MALRD1: variants seen among roughly 807,000 people sequenced by gnomAD.
MALRD1 encodes MAM and LDL-receptor class A domain-containing protein 1.
MALRD1 carries 247 observed loss-of-function variants against 242.1 expected under a neutral mutation model. The observed-to-expected ratio is 1.02, with a 90% CI of 0.92 to 1.13. The LOEUF is 1.13. Among genes scored for constraint, MALRD1 ranks in the 50% most tolerant of loss-of-function variants. MALRD1 has a pLI of 0.00. For synonymous variants in MALRD1, 995 were observed against 866.6 expected (o/e 1.15, Z -2.60); for missense variants, 2,989 against 2,533.1 (o/e 1.18, Z -3.86).
At chr10:19,623,857 G>A (rs1453569323) in intron 36 of MALRD1, among the ~76,000 whole-genome samples, 1 of 151,768 alleles carries the variant, frequency 6.6e-6, no homozygotes, top group East Asian at 1.9e-4. Context: ...CAGACACTCA[G>A]AAATAATATT....
intron 36 of MALRD1, among the ~76,000 whole-genome samples, chr10:19,675,969 G>T (rs11818772): frequency 0.029 from 4,379 of 152,250 alleles, 201 homozygotes; most frequent in African/African-American, 0.09. Flanking sequence ...ATGATAATTG[G>T]TCTGTATCCT....
intron 19 of MALRD1, among the ~76,000 whole-genome samples, chr10:19,274,910 C>T (rs1840434848): frequency 6.6e-6 from 1 of 152,038 alleles, no homozygotes; most frequent in Non-Finnish European, 1.5e-5. Flanking sequence ...TGTTGTACAA[C>T]CTTGTGAATA....
intron 36 of MALRD1, chr10:19,633,836 C>CTT (rs199830595): frequency 0.034 from 4,814 of 140,454 alleles, 157 homozygotes; most frequent in Middle Eastern, 0.065. Context: ...TTTTTCTTTT[C>CTT]TTTCTTTTTT....
intron 19 of MALRD1, among the ~76,000 whole-genome samples, chr10:19,279,582 C>T (rs572691783): frequency 6.6e-6 from 1 of 152,260 alleles, no homozygotes; most frequent in South Asian, 2.1e-4. Flanking sequence ...TGGTTTGACT[C>T]TTTCCTGAAA....
At chr10:19,051,443 C>T (rs890298898) in intron 1 of MALRD1, 2 of 164,340 alleles carry the variant, frequency 1.2e-5, no homozygotes, top group Non-Finnish European at 1.4e-5. Flanking sequence ...AGTTCTTGGA[C>T]AGGGATGCAA....
chr10:19,241,507 T>C (rs758098277), intron 18 of MALRD1, among the ~76,000 whole-genome samples: 2 of 152,248 alleles, frequency 1.3e-5, no homozygotes, highest in Middle Eastern at 3.4e-3. Flanking sequence ...CTTTACACTT[T>C]GTTTTATTTA....
rs1369966486 is a variant in MALRD1 at position 19,567,646 on chromosome 10, G to A, written c.5623G>A (p.Glu1875Lys). The A allele has an allele frequency of 1.2e-5, 19 of 1,550,602 alleles. No homozygotes were observed. Among genetic ancestry groups the A allele is most frequent in the Non-Finnish European group, 1.7e-5 (19 of 1,146,954 alleles). Reference protein sequence around the residue: ...VAFEADLDGNEDIFIALDDIS... With the variant: ...VAFEADLDGNKDIFIALDDIS... ...ATTTGAAGCTGATTTGGATGGAAAT[G>A]AGGACATCTTTATTGCTCTTGATGA... Residue 1875 changes from glutamate (E) to lysine (K), a missense_variant, in exon 33 of 40, where the codon GAG becomes AAG. Coordinates refer to ENST00000454679, the MANE Select transcript of MALRD1 (RefSeq NM_001142308.3).
chr10:19,212,466 G>T (rs4748563), intron 18 of MALRD1, among the ~76,000 whole-genome samples: 37 of 151,658 alleles, frequency 2.4e-4, no homozygotes, highest in African/African-American at 7.0e-4. Flanking sequence ...TAATTAATTC[G>T]GATAAAGCAA....
rs555807815 is a variant in MALRD1, at chr10:19,238,203, TTA to T, written c.2992-19473_2992-19472del. 4.3e-3 allele frequency among the ~76,000 whole-genome samples: 271 copies of T among 63,460 alleles called. 12 individuals are homozygous for T. Among genetic ancestry groups the T allele is most frequent in the African/African-American group, 0.015 (226 of 14,844 alleles). 41.6% of individuals were successfully genotyped at this position (63,460 alleles called of 152,430 possible). A position where few individuals can be genotyped will look rare whatever the true frequency, so the allele number is the denominator to read the frequency against. Reference sequence around the variant, plus strand: ...TAATATGTAATATACATAATATATATTATATATATGTAATATACATAATATAT... The same window carrying T: ...TAATATGTAATATACATAATATATATTATATATGTAATATACATAATATAT... On this transcript the variant is annotated intron_variant, in intron 18 of 39. Transcript: ENST00000454679.
chr10:19,639,316 A>C (rs1840281106), intron 36 of MALRD1, among the ~76,000 whole-genome samples: 1 of 152,196 alleles, frequency 6.6e-6, no homozygotes, highest in South Asian at 2.1e-4. Context: ...AGTCTTCTCT[A>C]AGGGATCTTG....
intron 29 of MALRD1, among the ~76,000 whole-genome samples, chr10:19,464,385 T>C (rs1589120301): frequency 2.0e-5 from 3 of 152,338 alleles, no homozygotes; most frequent in African/African-American, 7.2e-5. Context: ...TTGATTTTTG[T>C]ATAAGGTGAG....
chr10:19,205,102 T>C lies in MALRD1; in HGVS notation c.2415T>C (p.Ala805=), dbSNP rs527513289. 1.1e-5 allele frequency: 17 copies of C among 1,550,736 alleles called. No homozygotes were observed. The highest frequency in any genetic ancestry group is 2.4e-5 in the East Asian group (1 of 40,900). The part of the protein sequence containing the change: ...VSLGIYDGVS[A]IDDIRFENCT... ...TGGGCATTTATGATGGGGTCTCAGC[T>C]ATTGATGACATCCGATTTGAAAATT... The change falls in exon 17 of 40, where the codon GCT becomes GCC. Residue 805 remains alanine, a synonymous_variant. Coordinates refer to ENST00000454679, the MANE Select transcript of MALRD1 (RefSeq NM_001142308.3).
intron 24 of MALRD1, among the ~76,000 whole-genome samples, chr10:19,343,929 A>G (rs1843994311): frequency 6.6e-6 from 1 of 152,102 alleles, no homozygotes; most frequent in African/African-American, 2.4e-5. Flanking sequence ...GTAATGTTGA[A>G]TATTATTTCC....
At chr10:19,337,922 C>T (rs375043451) in intron 24 of MALRD1, among the ~76,000 whole-genome samples, 5 of 151,782 alleles carry the variant, frequency 3.3e-5, no homozygotes, top group Non-Finnish European at 7.4e-5. Context: ...ATTAGCTGGG[C>T]GTGGTGACAC....
chr10:19,373,590 G>GA (rs1845481124), intron 26 of MALRD1, among the ~76,000 whole-genome samples: 1 of 151,856 alleles, frequency 6.6e-6, no homozygotes, highest in South Asian at 2.1e-4. Flanking sequence ...GATGGAAGAA[G>GA]AAAAAAATGA....
chr10:19,446,556 G>A (rs375763172), intron 28 of MALRD1, among the ~76,000 whole-genome samples: 2 of 152,174 alleles, frequency 1.3e-5, no homozygotes, highest in East Asian at 3.8e-4. Flanking sequence ...AAGTGGTTCT[G>A]TCTTTGTAGT....
intron 30 of MALRD1, among the ~76,000 whole-genome samples, chr10:19,492,378 C>G (rs1042521162): frequency 6.6e-6 from 1 of 152,154 alleles, no homozygotes; most frequent in Non-Finnish European, 1.5e-5. Context: ...GTCTAGGCCA[C>G]TGTTACATTT....
intron 36 of MALRD1, among the ~76,000 whole-genome samples, chr10:19,657,016 T>C (rs2131722900): frequency 6.6e-6 from 1 of 152,296 alleles, no homozygotes; most frequent in East Asian, 1.9e-4. Flanking sequence ...TCGAATAATA[T>C]TTTGCCAAAA....
chr10:19,370,517 CAATT>C (rs1188553643), intron 26 of MALRD1, among the ~76,000 whole-genome samples: 2 of 152,042 alleles, frequency 1.3e-5, no homozygotes, highest in Non-Finnish European at 2.9e-5. Context: ...ATTAAAAGTA[CAATT>C]AATTTTTATA....
Sources: allele counts gnomAD v4.1 joint callset (sites outside exome capture counted in the v4.1 genomes callset), GRCh38; gene constraint gnomAD v4.1.1; transcripts MANE v1.5; gene names NCBI Gene and HGNC (gene_info 2026-07-23, HGNC 2026-07-21).